ASTN2: variants seen among roughly 807,000 people sequenced by gnomAD.
ASTN2 encodes the protein astrotactin 2, also known as astrotactin-2.
Under a neutral mutation model 139.8 loss-of-function variants are expected in ASTN2, and 54 were observed. The ratio of observed to expected loss-of-function variants is 0.39; its 90% confidence interval spans 0.31 to 0.48. The LOEUF (loss-of-function observed/expected upper bound fraction) is 0.48. ASTN2 is among the 20% of genes least tolerant of loss of function. The probability of loss-of-function intolerance (pLI) is 0.95; values close to 1 mark genes in which losing one functional copy is unlikely to be tolerated. For missense variants in ASTN2, 1,565 were observed against 1,725.1 expected (o/e 0.91, Z 1.64); for synonymous variants, 756 against 719.5 (o/e 1.05, Z -0.81).
intron 1 of ASTN2, among the ~76,000 whole-genome samples, chr9:117,364,999 A>AC (rs1564167764): frequency 0.026 from 2,573 of 100,432 alleles, 68 homozygotes; most frequent in East Asian, 0.11. Flanking sequence ...ACACACACAC[A>AC]AAATCAGCCA....
intron 1 of ASTN2, among the ~76,000 whole-genome samples, chr9:117,402,679 T>C (rs1367495831): frequency 6.6e-6 from 1 of 152,210 alleles, no homozygotes; most frequent in African/African-American, 2.4e-5. Context: ...GCATGGAACA[T>C]ACTTATACTA....
At chr9:116,796,164 G>A (rs556978503) in intron 13 of ASTN2, among the ~76,000 whole-genome samples, 1 of 152,244 alleles carries the variant, frequency 6.6e-6, no homozygotes, top group African/African-American at 2.4e-5. Flanking sequence ...CCAGGAAGTG[G>A]GCATTGTTAC....
intron 3 of ASTN2, among the ~76,000 whole-genome samples, chr9:117,206,822 C>A (rs1323337617): frequency 2.0e-5 from 3 of 152,192 alleles, no homozygotes; most frequent in Non-Finnish European, 4.4e-5. Flanking sequence ...AGCCTCCAAG[C>A]AGCTGATATA....
At chr9:117,289,893 C>G (rs772947020) in intron 2 of ASTN2, among the ~76,000 whole-genome samples, 1 of 152,190 alleles carries the variant, frequency 6.6e-6, no homozygotes, top group Non-Finnish European at 1.5e-5. Flanking sequence ...CCAAAATTAA[C>G]ATTGCTGTCT....
intron 16 of ASTN2, chr9:116,686,866 G>C (rs1860250884): frequency 6.5e-7 from 1 of 1,545,056 alleles, no homozygotes; most frequent in Admixed American, 2.0e-5. Context: ...CCAAAGCACT[G>C]CCCTTCCTAG....
intron 6 of ASTN2, among the ~76,000 whole-genome samples, chr9:117,026,773 A>C (rs527529755): frequency 8.5e-4 from 130 of 152,302 alleles, no homozygotes; most frequent in African/African-American, 2.9e-3. Flanking sequence ...GGAACAAGAC[A>C]GCTACACTCT....
At chr9:116,571,247 C>T (rs1853496950) in intron 19 of ASTN2, among the ~76,000 whole-genome samples, 1 of 152,196 alleles carries the variant, frequency 6.6e-6, no homozygotes, top group Admixed American at 6.5e-5. Context: ...GTGGTTTCCC[C>T]AAGGGAGCCA....
intron 13 of ASTN2, among the ~76,000 whole-genome samples, chr9:116,759,279 G>C (rs879689430): frequency 1.3e-5 from 2 of 152,216 alleles, no homozygotes; most frequent in Non-Finnish European, 2.9e-5. Flanking sequence ...AAAAGTATGT[G>C]TGAGAAATGA....
At chr9:117,036,239 CA>C (rs969229573) in intron 6 of ASTN2, among the ~76,000 whole-genome samples, 1 of 152,110 alleles carries the variant, frequency 6.6e-6, no homozygotes, top group African/African-American at 2.4e-5. Context: ...GATATTATGG[CA>C]TGTAAGGGAT....
At chr9:116,535,876 G>A (rs1457468265) in intron 19 of ASTN2, among the ~76,000 whole-genome samples, 1 of 152,080 alleles carries the variant, frequency 6.6e-6, no homozygotes, top group African/African-American at 2.4e-5. Context: ...GGCTTTCTCT[G>A]TATTTCCTGA....
At chr9:117,133,481 G>A (rs1377599326) in intron 4 of ASTN2, among the ~76,000 whole-genome samples, 2 of 152,164 alleles carry the variant, frequency 1.3e-5, no homozygotes, top group African/African-American at 4.8e-5. Context: ...GAGGCCCAGA[G>A]AGTGGAAGGT....
At chr9:116,910,735 C>A (rs555137167) in intron 10 of ASTN2, among the ~76,000 whole-genome samples, 24 of 152,188 alleles carry the variant, frequency 1.6e-4, no homozygotes, top group Admixed American at 5.2e-4. Flanking sequence ...AGTTAATAGA[C>A]TTGATTCTTC....
chr9:116,765,022 T>C (rs1829770006), intron 13 of ASTN2, among the ~76,000 whole-genome samples: 1 of 152,200 alleles, frequency 6.6e-6, no homozygotes, highest in Non-Finnish European at 1.5e-5. Context: ...GTGTCAATCC[T>C]CTTTATCTTT....
At chr9:116,937,162 A>G (rs996846036) in intron 10 of ASTN2, among the ~76,000 whole-genome samples, 1 of 152,178 alleles carries the variant, frequency 6.6e-6, no homozygotes, top group Non-Finnish European at 1.5e-5. Context: ...AGGTCTGGTA[A>G]TTCTTTTTCC....
At chr9:117,389,881 G>T (rs550696716) in intron 1 of ASTN2, among the ~76,000 whole-genome samples, 1 of 151,982 alleles carries the variant, frequency 6.6e-6, no homozygotes, top group East Asian at 1.9e-4. Flanking sequence ...ACAGGGTGTT[G>T]TGAGAAAGAC....
intron 5 of ASTN2, among the ~76,000 whole-genome samples, chr9:117,071,883 C>T (rs906039284): frequency 7.2e-5 from 11 of 152,122 alleles, no homozygotes; most frequent in South Asian, 2.1e-4. Flanking sequence ...GCACCGTGCG[C>T]GCACCCACTG....
chr9:116,786,279 C>T (rs1210487439), intron 13 of ASTN2, among the ~76,000 whole-genome samples: 1 of 152,200 alleles, frequency 6.6e-6, no homozygotes, highest in Non-Finnish European at 1.5e-5. Flanking sequence ...ACCCTTAACT[C>T]AACCTGCTTT....
intron 10 of ASTN2, among the ~76,000 whole-genome samples, chr9:116,871,816 T>C (rs1344466454): frequency 6.6e-6 from 1 of 152,220 alleles, no homozygotes; most frequent in Non-Finnish European, 1.5e-5. Flanking sequence ...TTCATATATT[T>C]TGTGGCTCCC....
chr9:116,588,290 C>A (rs547359024), intron 19 of ASTN2, among the ~76,000 whole-genome samples: 1 of 152,162 alleles, frequency 6.6e-6, no homozygotes, highest in Non-Finnish European at 1.5e-5. Context: ...AAATTCTGAC[C>A]TTCTATTGAA....
Sources: gnomAD v4.1 joint callset for allele counts (sites outside exome capture counted in the v4.1 genomes callset) on GRCh38, gnomAD v4.1.1 for gene constraint, MANE v1.5 for transcripts, NCBI Gene and HGNC (gene_info 2026-07-23, HGNC 2026-07-21) for gene names.